Variants in SLC25A40 observed in about 807,000 individuals in gnomAD.
SLC25A40 encodes the protein mitochondrial glutathione transporter SLC25A40.
Under a neutral mutation model 46.5 loss-of-function variants are expected in SLC25A40, and 41 were observed. The observed-to-expected ratio is 0.88, with a 90% CI of 0.69 to 1.14. The LOEUF is 1.14. Among genes scored for constraint, SLC25A40 ranks in the 50% most tolerant of loss-of-function variants. The pLI is 0.00. For synonymous variants in SLC25A40, 126 were observed against 127.5 expected (o/e 0.99, Z 0.08); for missense variants, 386 against 393.6 (o/e 0.98, Z 0.16).
chr7:87,849,290 G>T (rs1041428172), intron 6 of SLC25A40, among the ~76,000 whole-genome samples: 2 of 152,046 alleles, frequency 1.3e-5, no homozygotes, highest in African/African-American at 4.8e-5. Context: ...TGGACAACTC[G>T]TGAGAATATA....
intron 4 of SLC25A40, among the ~76,000 whole-genome samples, chr7:87,855,889 TA>T (rs1415727961): frequency 3.9e-5 from 6 of 152,178 alleles, no homozygotes; most frequent in Non-Finnish European, 8.8e-5. Flanking sequence ...ATCCAGAAAT[TA>T]ACCAAGCTGT....
chr7:87,873,502 C>T (rs529172683), intron 1 of SLC25A40, among the ~76,000 whole-genome samples: 5 of 149,006 alleles, frequency 3.4e-5, no homozygotes, highest in Admixed American at 6.7e-5. Context: ...GCGCAATTTC[C>T]GCTCACTGCA....
chr7:87,843,610 C>A, intron 9 of SLC25A40, 144 bp downstream of exon 9: 2 of 554,320 alleles, frequency 3.6e-6, no homozygotes, highest in South Asian at 2.5e-5. Flanking sequence ...AATTTGTTTC[C>A]TTAAAATAGA....
intron 10 of SLC25A40, among the ~76,000 whole-genome samples, chr7:87,838,772 T>TACTC (rs2130994814): frequency 6.6e-6 from 1 of 151,752 alleles, no homozygotes; most frequent in African/African-American, 2.4e-5. Context: ...GAACAATGTA[T>TACTC]ACTCTTCTTT....
intron 8 of SLC25A40, 145 bp from the exon 9 acceptor site, chr7:87,844,008 G>T: frequency 7.7e-7 from 1 of 1,296,972 alleles, no homozygotes; most frequent in Non-Finnish European, 9.8e-7. Context: ...CACTAGGGTG[G>T]GATTTCTTTT....
In SLC25A40 at chr7:87,866,832, C is replaced by G. The variant is rs117535462; in HGVS notation, c.-93-6192G>C. On this transcript the variant is annotated intron_variant, in intron 1 of 11. Transcript: ENST00000341119. ...TCACAGAAACCACCACTGCTACTCA[C>G]GAGTTCCTTCACTGATTAATCCTTT... Among the ~76,000 whole-genome samples the G allele has an allele frequency of 7.1e-3, 1,084 of 152,332 alleles. 10 individuals are homozygous for G. The highest frequency in any genetic ancestry group is 0.05 in the East Asian group (257 of 5,178).
intron 1 of SLC25A40, among the ~76,000 whole-genome samples, chr7:87,864,186 C>G (rs1838751842): frequency 6.6e-6 from 1 of 152,166 alleles, no homozygotes; most frequent in Non-Finnish European, 1.5e-5. Flanking sequence ...TACTGAATTG[C>G]TGTCTCTCTC....
At chr7:87,868,538 G>A (rs974966335) in intron 1 of SLC25A40, among the ~76,000 whole-genome samples, 30 of 152,182 alleles carry the variant, frequency 2.0e-4, no homozygotes, top group African/African-American at 7.2e-4. Context: ...TCAGATTCGA[G>A]TTGGGGTTCC....
intron 9 of SLC25A40, chr7:87,842,067 C>T: frequency 2.8e-6 from 1 of 357,258 alleles, no homozygotes; most frequent in Non-Finnish European, 5.7e-6. Context: ...AGATACAACA[C>T]ATATGTCAAA....
intron 2 of SLC25A40, 118 bp from the exon 3 acceptor site, chr7:87,858,869 A>T: frequency 9.5e-6 from 6 of 632,020 alleles, no homozygotes; most frequent in Non-Finnish European, 1.7e-5. Flanking sequence ...GAGAGAATTA[A>T]CCAAACAGAT....
Position 87,847,123 on chromosome 7 carries a change from C to A in SLC25A40, c.458-1G>T. ...GGACTTATCACAGTTACTGCACCAA[C>A]TAATACAAACAAGTTAAAAAAAAGA... On this transcript the variant is annotated splice_acceptor_variant, in intron 7 of 11. Transcript: ENST00000341119. LOFTEE classifies it high-confidence loss of function. 1 of 1,579,894 alleles carries A rather than the reference C, an allele frequency of 6.3e-7. No homozygotes were observed. The highest frequency in any genetic ancestry group is 8.6e-7 in the Non-Finnish European group (1 of 1,162,842).
intron 1 of SLC25A40, among the ~76,000 whole-genome samples, chr7:87,871,512 A>C (rs1401810594): frequency 6.6e-6 from 1 of 152,256 alleles, no homozygotes; most frequent in African/African-American, 2.4e-5. Context: ...CTGTGAGATA[A>C]TAAAGATTAG....
Position 87,867,878 on chromosome 7 carries a change from A to C in SLC25A40, c.-93-7238T>G, listed in dbSNP as rs549833588. Among the ~76,000 whole-genome samples, 5 of 152,368 alleles carry C rather than the reference A, an allele frequency of 3.3e-5. No homozygotes were observed. In the East Asian group the frequency reaches 5.8e-4, roughly 18 times the overall value. On this transcript the variant is annotated intron_variant, in intron 1 of 11. Coordinates refer to ENST00000341119, the MANE Select transcript of SLC25A40 (RefSeq NM_018843.4). ...AATGCTGCCTGTCCTGAACAGGGGAAATCACAGAGAATGTATCACAGCAGT... is the reference window on the plus strand; with the variant it reads ...AATGCTGCCTGTCCTGAACAGGGGACATCACAGAGAATGTATCACAGCAGT...
intron 10 of SLC25A40, among the ~76,000 whole-genome samples, chr7:87,840,486 A>C (rs1441809290): frequency 6.6e-6 from 1 of 151,816 alleles, no homozygotes. Context: ...AACCACCATG[A>C]CCACCACTAC....
intron 1 of SLC25A40, among the ~76,000 whole-genome samples, chr7:87,869,540 A>AAAAAAAAAAATCC (rs1338962769): frequency 1.8e-4 from 28 of 151,678 alleles, no homozygotes; most frequent in African/African-American, 6.8e-4. Context: ...CTGTTCCAAA[A>AAAAAAAAAAATCC]AAAAAAAAAA....
intron 8 of SLC25A40, among the ~76,000 whole-genome samples, chr7:87,846,444 A>G (rs78259628): frequency 1.6e-3 from 246 of 152,282 alleles, no homozygotes; most frequent in African/African-American, 5.5e-3. Flanking sequence ...CTCACTTTTC[A>G]TAATTTTCTC....
At chr7:87,845,646 G>A (rs777954859) in intron 8 of SLC25A40, among the ~76,000 whole-genome samples, 5 of 152,062 alleles carry the variant, frequency 3.3e-5, no homozygotes, top group African/African-American at 4.8e-5. Context: ...ACTGCAATAG[G>A]TGATGTTGGG....
At chr7:87,851,890 A>C (rs1319087653) in intron 5 of SLC25A40, among the ~76,000 whole-genome samples, 5 of 152,222 alleles carry the variant, frequency 3.3e-5, no homozygotes, top group African/African-American at 1.2e-4. Context: ...CTTACAAAGG[A>C]AGGCAGGAAA....
chr7:87,858,113 G>C (rs574657529), intron 3 of SLC25A40, among the ~76,000 whole-genome samples: 2 of 152,274 alleles, frequency 1.3e-5, no homozygotes, highest in East Asian at 3.9e-4. Context: ...CTCCACCCTG[G>C]TAAATTTGAG....
Sources: allele counts gnomAD v4.1 joint callset (sites outside exome capture counted in the v4.1 genomes callset), GRCh38; gene constraint gnomAD v4.1.1; transcripts MANE v1.5; gene names NCBI Gene and HGNC (gene_info 2026-07-23, HGNC 2026-07-21).